CDH9: variants seen among roughly 807,000 people sequenced by gnomAD.
The protein encoded by CDH9 is cadherin 9.
CDH9 carries 28 observed loss-of-function variants against 70.9 expected under a neutral mutation model. That is an observed-to-expected ratio of 0.40 (90% CI 0.29 to 0.54). The LOEUF is 0.54. Among genes scored for constraint, CDH9 ranks in the 20% least tolerant of loss-of-function variants. CDH9 has a pLI of 0.59. For synonymous variants in CDH9, 409 were observed against 343.1 expected (o/e 1.19, Z -2.12); for missense variants, 874 against 984.4 (o/e 0.89, Z 1.50).
intron 1 of CDH9, among the ~76,000 whole-genome samples, chr5:27,025,635 A>G (rs1467290869): frequency 1.3e-5 from 2 of 152,070 alleles, no homozygotes; most frequent in Non-Finnish European, 2.9e-5. Flanking sequence ...GCCATTGTGT[A>G]ATTAGGTTCC....
At chr5:26,924,921 T>A (rs1741310612) in intron 2 of CDH9, among the ~76,000 whole-genome samples, 1 of 152,162 alleles carries the variant, frequency 6.6e-6, no homozygotes, top group African/African-American at 2.4e-5. Flanking sequence ...ATGGTGTATA[T>A]GTGTCACCTT....
At chr5:26,933,847 T>A (rs1432519605) in intron 2 of CDH9, among the ~76,000 whole-genome samples, 1 of 151,974 alleles carries the variant, frequency 6.6e-6, no homozygotes, top group East Asian at 1.9e-4. Flanking sequence ...GACACATTAC[T>A]ACTATTAGAT....
chr5:27,011,869 TTTC>T (rs1177476666), intron 1 of CDH9, among the ~76,000 whole-genome samples: 24 of 152,118 alleles, frequency 1.6e-4, no homozygotes, highest in African/African-American at 4.8e-4. Flanking sequence ...TCTGCCTCTG[TTTC>T]TTATTTTTTT....
intron 2 of CDH9, among the ~76,000 whole-genome samples, chr5:26,937,027 G>T (rs1035789989): frequency 6.6e-6 from 1 of 152,016 alleles, no homozygotes; most frequent in Non-Finnish European, 1.5e-5. Context: ...AGAAAAATTG[G>T]TAAATTGAAC....
intron 2 of CDH9, among the ~76,000 whole-genome samples, chr5:26,962,175 A>C (rs893008529): frequency 5.9e-5 from 9 of 152,116 alleles, no homozygotes; most frequent in Admixed American, 2.6e-4. Flanking sequence ...TTATGGCTTC[A>C]TAGTATTCCA....
At chr5:27,014,684 T>C (rs1280678391) in intron 1 of CDH9, among the ~76,000 whole-genome samples, 1 of 151,870 alleles carries the variant, frequency 6.6e-6, no homozygotes, top group Non-Finnish European at 1.5e-5. Flanking sequence ...TATAGATTTA[T>C]AAGGAAACAT....
intron 5 of CDH9, 112 bp downstream of exon 5, chr5:26,905,847 T>C (rs1331614214): frequency 6.6e-6 from 5 of 759,522 alleles, no homozygotes; most frequent in Non-Finnish European, 1.1e-5. Flanking sequence ...TATGGTTTTT[T>C]CTTTATGCAT....
intron 2 of CDH9, among the ~76,000 whole-genome samples, chr5:26,924,719 C>A (rs963128835): frequency 2.6e-5 from 4 of 151,960 alleles, no homozygotes; most frequent in African/African-American, 7.3e-5. Context: ...CATCCTAAGA[C>A]AGGCCCCGGT....
intron 7 of CDH9, among the ~76,000 whole-genome samples, chr5:26,894,799 G>A (rs1425749478): frequency 1.3e-5 from 2 of 151,932 alleles, no homozygotes; most frequent in Non-Finnish European, 2.9e-5. Flanking sequence ...CCCCTGCATT[G>A]AATTTTGAAC....
At chr5:27,004,782 T>C (rs1742831650) in intron 1 of CDH9, among the ~76,000 whole-genome samples, 1 of 152,112 alleles carries the variant, frequency 6.6e-6, no homozygotes, top group Non-Finnish European at 1.5e-5. Flanking sequence ...GTGGAAATAA[T>C]AACTCAAATA....
At chr5:26,933,317 T>C (rs1053931756) in intron 2 of CDH9, among the ~76,000 whole-genome samples, 1 of 151,438 alleles carries the variant, frequency 6.6e-6, no homozygotes, top group Non-Finnish European at 1.5e-5. Context: ...TGGACTTCCA[T>C]CCTCTAGAAC....
chr5:26,939,038 A>G (rs892018986), intron 2 of CDH9, among the ~76,000 whole-genome samples: 1 of 152,054 alleles, frequency 6.6e-6, no homozygotes, highest in Non-Finnish European at 1.5e-5. Context: ...ATTTATATCA[A>G]TAAAATATTA....
intron 1 of CDH9, among the ~76,000 whole-genome samples, chr5:26,997,977 A>T (rs1168730713): frequency 1.3e-5 from 2 of 152,076 alleles, no homozygotes; most frequent in Non-Finnish European, 2.9e-5. Flanking sequence ...GGATTACAAG[A>T]GTGAGCCACC....
chr5:26,998,105 CCACA>C (rs975509884), intron 1 of CDH9, among the ~76,000 whole-genome samples: 3 of 152,086 alleles, frequency 2.0e-5, no homozygotes, highest in Non-Finnish European at 4.4e-5. Flanking sequence ...CAAGGGCATT[CCACA>C]CCCAGCATAT....
At chr5:26,968,930 A>C (rs1742172744) in intron 2 of CDH9, among the ~76,000 whole-genome samples, 1 of 152,192 alleles carries the variant, frequency 6.6e-6, no homozygotes, top group Admixed American at 6.5e-5. Context: ...TCCTCACCTC[A>C]CTGAACTGAA....
chr5:26,978,691 G>C (rs1742345629), intron 2 of CDH9, among the ~76,000 whole-genome samples: 1 of 151,376 alleles, frequency 6.6e-6, no homozygotes, highest in Admixed American at 6.6e-5. Context: ...AACAGAGTTA[G>C]GTATCAAATT....
rs1048478573 is a variant in CDH9 at position 26,903,927 on chromosome 5, G to A, written c.812-103C>T. On this transcript the variant is annotated intron_variant, in intron 5 of 11. Transcript: ENST00000231021. ...AATACATTAATTTTAAATAGGGAGA[G>A]TTTTTATCATATTGAATTGTAAGCT... 4 of 617,092 alleles carry A rather than the reference G, an allele frequency of 6.5e-6. No homozygotes were observed. In the African/African-American group the frequency reaches 7.9e-5, roughly 12 times the overall value. 38.2% of individuals were successfully genotyped at this position (617,092 alleles called of 1,614,324 possible).
At chr5:27,021,879 T>C (rs1743144085) in intron 1 of CDH9, among the ~76,000 whole-genome samples, 1 of 151,972 alleles carries the variant, frequency 6.6e-6, no homozygotes, top group South Asian at 2.1e-4. Context: ...CAGAAGGAAA[T>C]CACAAGAAGA....
intron 7 of CDH9, among the ~76,000 whole-genome samples, chr5:26,897,329 A>G (rs933185726): frequency 3.9e-5 from 6 of 152,166 alleles, no homozygotes; most frequent in Non-Finnish European, 8.8e-5. Context: ...TGAGGCCAGC[A>G]TCTTTCTGAT....
Sources: allele counts gnomAD v4.1 joint callset (sites outside exome capture counted in the v4.1 genomes callset), GRCh38; gene constraint gnomAD v4.1.1; transcripts MANE v1.5; gene names NCBI Gene and HGNC (gene_info 2026-07-23, HGNC 2026-07-21).